The following CSMD1 variants were observed in gnomAD, a reference collection of about 807,000 sequenced individuals.
CSMD1 encodes CUB and Sushi multiple domains 1.
A neutral mutation model predicts 417.5 loss-of-function variants in CSMD1; 213 were observed. The ratio of observed to expected loss-of-function variants is 0.51; its 90% CI spans 0.46 to 0.57. CSMD1 has a LOEUF of 0.57. CSMD1 is among the 20% of genes least tolerant of loss of function. The pLI, the probability that CSMD1 is intolerant of heterozygous loss-of-function variation, is 0.00. For missense variants in CSMD1, 6,923 were observed against 4,529.7 expected, an observed-to-expected ratio of 1.53 and a Z score of -15.17; for synonymous variants, 2,862 against 1,736.8, an observed-to-expected ratio of 1.65 and a Z score of -16.11.
rs1797168168 is a variant in CSMD1 at position 4,537,666 on chromosome 8, A to T, written c.302+99676T>A. On this transcript the variant is annotated intron_variant, in intron 2 of 69. Coordinates refer to ENST00000635120, the MANE Select transcript of CSMD1 (RefSeq NM_033225.6). The stretch of plus-strand genomic sequence containing the variant: ...TTAAGCATTGATTTGCATTACTTTC[A>T]TTCTTCCTCGAAGACTCCATCAGGG... Among the ~76,000 whole-genome samples, 12 of 152,204 alleles carry T rather than the reference A, an allele frequency of 7.9e-5. 1 individual carries two copies. In the South Asian group the frequency reaches 2.5e-3, roughly 32 times the overall value.
chr8:4,111,210 G>C (rs28657637), intron 3 of CSMD1, among the ~76,000 whole-genome samples: 2,321 of 152,126 alleles, frequency 0.015, 79 homozygotes, highest in African/African-American at 0.052. Flanking sequence ...TGTTATGTTT[G>C]TCATCATCTT....
At chr8:4,301,027 G>T (rs1321546505) in intron 3 of CSMD1, among the ~76,000 whole-genome samples, 1 of 152,126 alleles carries the variant, frequency 6.6e-6, no homozygotes, top group Non-Finnish European at 1.5e-5. Context: ...AGCATGATAA[G>T]ATTAGGAAAC....
At chr8:3,282,401 A>C (rs1316934330) in intron 26 of CSMD1, among the ~76,000 whole-genome samples, 1 of 152,228 alleles carries the variant, frequency 6.6e-6, no homozygotes, top group Non-Finnish European at 1.5e-5. Context: ...AAATGCCTGG[A>C]GAATACAGAA....
At chr8:4,406,233 A>G (rs554666026) in intron 3 of CSMD1, among the ~76,000 whole-genome samples, 2 of 152,152 alleles carry the variant, frequency 1.3e-5, no homozygotes, top group South Asian at 2.1e-4. Flanking sequence ...AGTCCCCCCA[A>G]ATGGTGCAAG....
At chr8:3,576,231 C>A (rs1800145292) in intron 9 of CSMD1, among the ~76,000 whole-genome samples, 1 of 151,458 alleles carries the variant, frequency 6.6e-6, no homozygotes, top group African/African-American at 2.4e-5. Context: ...TCCAAAGGGA[C>A]TCAAGAACCA....
intron 3 of CSMD1, among the ~76,000 whole-genome samples, chr8:4,300,377 A>C (rs1038049341): frequency 2.0e-5 from 3 of 152,202 alleles, no homozygotes; most frequent in African/African-American, 7.2e-5. Flanking sequence ...TTTATTTCTC[A>C]ATATATGCTC....
At chr8:3,111,298 T>C (rs189669231) in intron 42 of CSMD1, among the ~76,000 whole-genome samples, 1 of 152,320 alleles carries the variant, frequency 6.6e-6, no homozygotes, top group East Asian at 1.9e-4. Context: ...CAGATGTGTA[T>C]TGATTTGAAA....
At chr8:4,882,341 C>G (rs1803461153) in intron 1 of CSMD1, among the ~76,000 whole-genome samples, 1 of 151,618 alleles carries the variant, frequency 6.6e-6, no homozygotes, top group Admixed American at 6.6e-5. Flanking sequence ...ATGTCGCCTG[C>G]TTGGTTTGCT....
chr8:3,155,929 G>C (rs1029717212), intron 39 of CSMD1, among the ~76,000 whole-genome samples: 3 of 152,136 alleles, frequency 2.0e-5, no homozygotes, highest in Non-Finnish European at 4.4e-5. Context: ...AATTTCACCT[G>C]CATCCCATGC....
intron 2 of CSMD1, among the ~76,000 whole-genome samples, chr8:4,532,477 AG>A (rs1796876732): frequency 7.1e-6 from 1 of 140,678 alleles, no homozygotes. Flanking sequence ...CCCCATTCAC[AG>A]TCACTCCGGA....
At chr8:4,613,831 A>C (rs1342662505) in intron 2 of CSMD1, among the ~76,000 whole-genome samples, 1 of 139,962 alleles carries the variant, frequency 7.1e-6, no homozygotes, top group African/African-American at 2.7e-5. Context: ...TGATGGTGTT[A>C]TTTTTGAAAG....
At chr8:3,711,176 A>T (rs998698175) in intron 6 of CSMD1, among the ~76,000 whole-genome samples, 2 of 152,210 alleles carry the variant, frequency 1.3e-5, no homozygotes, top group Admixed American at 1.3e-4. Context: ...ACTGGAAGGA[A>T]CATACAAACT....
chr8:3,780,013 C>T (rs951018647), intron 5 of CSMD1, among the ~76,000 whole-genome samples: 1 of 152,202 alleles, frequency 6.6e-6, no homozygotes, highest in Non-Finnish European at 1.5e-5. Flanking sequence ...TAAATACAAA[C>T]ATGTTCCTGG....
At chr8:4,314,134 G>A (rs986223649) in intron 3 of CSMD1, among the ~76,000 whole-genome samples, 4 of 152,054 alleles carry the variant, frequency 2.6e-5, no homozygotes, top group African/African-American at 9.7e-5. Context: ...GACATGCAGA[G>A]ACTGTCAACA....
chr8:3,435,024 A>G (rs546802169), intron 12 of CSMD1, among the ~76,000 whole-genome samples: 11 of 149,248 alleles, frequency 7.4e-5, no homozygotes, highest in African/African-American at 2.4e-4. Context: ...AGCAGACAGG[A>G]CTGGGAGCTG....
intron 3 of CSMD1, among the ~76,000 whole-genome samples, chr8:4,180,518 G>T (rs1039756724): frequency 1.3e-5 from 2 of 151,574 alleles, no homozygotes; most frequent in African/African-American, 4.8e-5. Flanking sequence ...CATGGCACAT[G>T]TATACATATG....
intron 3 of CSMD1, among the ~76,000 whole-genome samples, chr8:4,388,490 G>T (rs1803621282): frequency 6.6e-6 from 1 of 151,864 alleles, no homozygotes; most frequent in African/African-American, 2.4e-5. Context: ...CTGATATGTG[G>T]GAGGTAAGTT....
Position 4,637,448 on chromosome 8 carries a change from C to T in CSMD1, c.196G>A (p.Glu66Lys), listed in dbSNP as rs374354109. 47 of 1,613,680 alleles carry T rather than the reference C, an allele frequency of 2.9e-5. No homozygotes were observed. Among genetic ancestry groups the T allele is most frequent in the Non-Finnish European group, 3.9e-5 (46 of 1,179,872 alleles). Reference protein sequence around the residue: ...ANCTWIIITGERNRIQLSFHT... With the variant: ...ANCTWIIITGKRNRIQLSFHT... ...AAGGACAACTGTATCCTATTGCGCT[C>T]GCCCGTGATGATGATCCAGGTGCAG... The change falls in exon 2 of 70, where the codon GAG (glutamate) becomes AAG (lysine). Residue 66 changes from glutamate (E) to lysine (K), a missense_variant. Transcript: ENST00000635120.
intron 2 of CSMD1, among the ~76,000 whole-genome samples, chr8:4,444,854 G>A (rs1448505640): frequency 6.6e-6 from 1 of 152,138 alleles, no homozygotes; most frequent in Non-Finnish European, 1.5e-5. Flanking sequence ...ACAACCCAGA[G>A]GACTCCTGCT....
Sources: gnomAD v4.1 joint callset for allele counts (sites outside exome capture counted in the v4.1 genomes callset) on GRCh38, gnomAD v4.1.1 for gene constraint, MANE v1.5 for transcripts, NCBI Gene and HGNC (gene_info 2026-07-23, HGNC 2026-07-21) for gene names.